The following CNIH3 variants were observed in gnomAD, a reference collection of about 807,000 sequenced individuals.
CNIH3 encodes protein cornichon homolog 3.
Under a neutral mutation model 24.1 loss-of-function variants are expected in CNIH3, and 14 were observed. The observed-to-expected ratio is 0.58, with a 90% CI of 0.38 to 0.91. The LOEUF (loss-of-function observed/expected upper bound fraction) is 0.91, where lower values mean the gene tolerates loss of function less well. Ranked by LOEUF, CNIH3 falls within the 40% of genes least tolerant of loss-of-function variation. The pLI is 0.00. For missense variants in CNIH3, 178 were observed against 196.8 expected (o/e 0.90, Z 0.57); for synonymous variants, 68 against 73.8 (o/e 0.92, Z 0.40).
chr1:224,639,130 C>G (rs1285249678), intron 1 of CNIH3, among the ~76,000 whole-genome samples: 2 of 152,226 alleles, frequency 1.3e-5, no homozygotes, highest in Non-Finnish European at 2.9e-5. Context: ...CTTCTCCCCT[C>G]CCAGCAAGGA....
chr1:224,489,153 G>A (rs1677146222), intron 1 of CNIH3, among the ~76,000 whole-genome samples: 1 of 151,456 alleles, frequency 6.6e-6, no homozygotes, highest in Admixed American at 6.6e-5. Flanking sequence ...TTTTTTAATG[G>A]TAGGCAGTTA....
intron 1 of CNIH3, among the ~76,000 whole-genome samples, chr1:224,456,637 C>T (rs1030515525): frequency 6.6e-6 from 1 of 152,218 alleles, no homozygotes; most frequent in Non-Finnish European, 1.5e-5. Context: ...TCTCAAACCC[C>T]TGGCCTCATG....
intron 1 of CNIH3, among the ~76,000 whole-genome samples, chr1:224,490,595 C>T (rs904471808): frequency 6.6e-6 from 1 of 152,106 alleles, no homozygotes; most frequent in Non-Finnish European, 1.5e-5. Context: ...GTTTTATTTA[C>T]ATCATGTATA....
Position 224,616,412 on chromosome 1 carries a change from G to C in CNIH3, c.-763G>C, listed in dbSNP as rs1296447860. The C allele has an allele frequency of 2.1e-6, 2 of 958,438 alleles. No homozygotes were observed. The highest frequency in any genetic ancestry group is 3.5e-5 in the African/African-American group (2 of 56,516). 59.4% of individuals were successfully genotyped at this position (958,438 alleles called of 1,614,324 possible). ...CTGAAACCCACTGCTGCAGCCACCCGGGCTGGAGTTGGCCCGTTGGGTGGA... is the reference window on the plus strand; with the variant it reads ...CTGAAACCCACTGCTGCAGCCACCCCGGCTGGAGTTGGCCCGTTGGGTGGA... On this transcript the variant is annotated 5_prime_UTR_variant, in exon 1 of 6. Transcript: ENST00000272133.
intron 1 of CNIH3, chr1:224,661,501 T>C (rs9662179): frequency 0.18 from 52,114 of 291,454 alleles, 5,032 homozygotes; most frequent in African/African-American, 0.25. Flanking sequence ...TCTGCTCCCT[T>C]GGGGACCCCT....
At chr1:224,475,334 C>T (rs1400861435) in intron 1 of CNIH3, among the ~76,000 whole-genome samples, 34 of 140,606 alleles carry the variant, frequency 2.4e-4, no homozygotes, top group Admixed American at 1.3e-3. Context: ...CCAGCCGGGG[C>T]GACAGAGCGA....
intron 2 of CNIH3, among the ~76,000 whole-genome samples, chr1:224,542,737 A>G (rs1303322989): frequency 1.3e-5 from 2 of 152,214 alleles, no homozygotes; most frequent in Admixed American, 1.3e-4. Context: ...GGAACAGTCC[A>G]GTTAGAATGC....
chr1:224,440,880 G>A lies in CNIH3; in HGVS notation n.203+6018G>A, dbSNP rs371370591. On this transcript the variant is annotated intron_variant and non_coding_transcript_variant, in intron 1 of 5. Coordinates refer to the CNIH3 transcript ENST00000471578. ...CACCCAGGCTGGAGTGCAGTGGCAC[G>A]ATCTCGGCTCACTGCAAGCTCTGCC... Among the ~76,000 whole-genome samples the A allele has an allele frequency of 2.6e-5, 4 of 150,972 alleles. No individual in the cohort carries two copies. The South Asian group carries it at 8.4e-4, about 32-fold the overall frequency.
At chr1:224,721,531 C>G (rs954294793) in intron 3 of CNIH3, among the ~76,000 whole-genome samples, 2 of 152,196 alleles carry the variant, frequency 1.3e-5, no homozygotes, top group Non-Finnish European at 2.9e-5. Context: ...CTCATCTCCT[C>G]CCTGAGTGAA....
rs1572726516 is a variant in CNIH3 at position 224,688,818 on chromosome 1, G to A, written c.198+3975G>A. ...TGGGCGCCTGTAATCCCAGCTACTC[G>A]GGAGGCTAAGGCAGGAGAATCGCTT... On this transcript the variant is annotated intron_variant, in intron 3 of 5. Coordinates refer to ENST00000272133, the MANE Select transcript of CNIH3 (RefSeq NM_152495.2). Among the ~76,000 whole-genome samples, 3 of 151,618 alleles carry A rather than the reference G, an allele frequency of 2.0e-5. No homozygotes were observed. In the East Asian group the frequency reaches 5.8e-4, roughly 29 times the overall value.
At chr1:224,661,417 C>T (rs1685349061) in intron 1 of CNIH3, 2 of 240,840 alleles carry the variant, frequency 8.3e-6, no homozygotes. Flanking sequence ...TAAATCCTGT[C>T]TCAAAAGAAG....
chr1:224,675,845 A>C (rs981395800), intron 1 of CNIH3, among the ~76,000 whole-genome samples: 1 of 152,234 alleles, frequency 6.6e-6, no homozygotes, highest in African/African-American at 2.4e-5. Flanking sequence ...AACTGACAGG[A>C]CTTAGTTCTG....
chr1:224,457,512 T>A (rs990083941), intron 1 of CNIH3, among the ~76,000 whole-genome samples: 1 of 71,064 alleles, frequency 1.4e-5, no homozygotes. Context: ...GGTCTGGGGA[T>A]TTTTTTTTTT....
At chr1:224,481,957 C>T (rs933433033) in intron 1 of CNIH3, among the ~76,000 whole-genome samples, 5 of 152,182 alleles carry the variant, frequency 3.3e-5, no homozygotes, top group South Asian at 2.1e-4. Context: ...TCCACTGGAA[C>T]GAGTCTTTTC....
chr1:224,444,559 A>G (rs1675063949), intron 1 of CNIH3, among the ~76,000 whole-genome samples: 1 of 151,964 alleles, frequency 6.6e-6, no homozygotes, highest in African/African-American at 2.4e-5. Flanking sequence ...CATATTGGCC[A>G]GGCTGGTCTC....
chr1:224,582,777 C>T (rs1258885533), intron 4 of CNIH3, among the ~76,000 whole-genome samples: 1 of 152,136 alleles, frequency 6.6e-6, no homozygotes, highest in Non-Finnish European at 1.5e-5. Context: ...ATGGTCAGGT[C>T]TATAAGTTCG....
chr1:224,475,041 T>A, intron 1 of CNIH3, among the ~76,000 whole-genome samples: 1 of 113,810 alleles, frequency 8.8e-6, no homozygotes, highest in Admixed American at 9.7e-5. Context: ...GGAGACTCCA[T>A]CTCAAAAAAA....
chr1:224,694,361 A>C (rs144554249), intron 3 of CNIH3, among the ~76,000 whole-genome samples: 188 of 152,290 alleles, frequency 1.2e-3, no homozygotes, highest in Non-Finnish European at 2.6e-3. Flanking sequence ...AGAAACCCTA[A>C]AACTGTCAGG....
At chr1:224,697,170 G>A (rs776371698) in intron 3 of CNIH3, among the ~76,000 whole-genome samples, 7 of 152,218 alleles carry the variant, frequency 4.6e-5, no homozygotes, top group East Asian at 3.8e-4. Flanking sequence ...CAGGTGTGAC[G>A]TGCTTGTCAC....
Sources: allele counts gnomAD v4.1 joint callset (sites outside exome capture counted in the v4.1 genomes callset), GRCh38; gene constraint gnomAD v4.1.1; transcripts MANE v1.5; gene names NCBI Gene and HGNC (gene_info 2026-07-23, HGNC 2026-07-21).